TEX9: variants seen among roughly 807,000 people sequenced by gnomAD.
TEX9 encodes the protein testis expressed 9.
A neutral mutation model predicts 59.6 loss-of-function variants in TEX9; 74 were observed. That is an observed-to-expected ratio of 1.24 (90% CI 1.03 to 1.51). The LOEUF is 1.51. Ranked by LOEUF, TEX9 falls within the 40% of genes most tolerant of loss-of-function variation. The pLI, the probability that TEX9 is intolerant of heterozygous loss-of-function variation, is 0.00. For missense variants in TEX9, 522 were observed against 447.8 expected (o/e 1.17, Z -1.49); for synonymous variants, 186 against 152.2 (o/e 1.22, Z -1.64).
chr15:56,386,657 A>T (rs2047975540), intron 4 of TEX9, among the ~76,000 whole-genome samples: 1 of 151,946 alleles, frequency 6.6e-6, no homozygotes, highest in African/African-American at 2.4e-5. Context: ...TAATACTGTG[A>T]TATTCTATGA....
intron 9 of TEX9, chr15:56,395,540 G>T (rs2048426649): frequency 6.6e-6 from 1 of 152,092 alleles, no homozygotes; most frequent in Non-Finnish European, 1.5e-5. Flanking sequence ...ACCTTTTGAG[G>T]AATTGCTGAC....
chr15:56,336,080 C>A (rs1433184887), intron 1 of TEX9, among the ~76,000 whole-genome samples: 1 of 152,170 alleles, frequency 6.6e-6, no homozygotes, highest in Non-Finnish European at 1.5e-5. Context: ...TGTGCAGTTG[C>A]ATCGCTGAAA....
chr15:56,316,729 G>T (rs1291158604), intron 1 of TEX9, among the ~76,000 whole-genome samples: 1 of 152,190 alleles, frequency 6.6e-6, no homozygotes, highest in Non-Finnish European at 1.5e-5. Context: ...CTGGGCAATG[G>T]TGGGCGCCCC....
chr15:56,376,031 T>C (rs1340565941), intron 3 of TEX9, among the ~76,000 whole-genome samples: 1 of 138,044 alleles, frequency 7.2e-6, no homozygotes, highest in African/African-American at 2.7e-5. Context: ...TGAGAACACG[T>C]GGACACAGGA....
chr15:56,397,445 TGAG>T (rs2048534585), intron 9 of TEX9: 1 of 152,302 alleles, frequency 6.6e-6, no homozygotes, highest in Non-Finnish European at 1.5e-5. Context: ...TCCCATTTTC[TGAG>T]GAGAAATTCA....
At chr15:56,309,879 A>G (rs1225992920) in intron 1 of TEX9, among the ~76,000 whole-genome samples, 1 of 151,800 alleles carries the variant, frequency 6.6e-6, no homozygotes, top group Non-Finnish European at 1.5e-5. Context: ...CAGGGAAGTG[A>G]AAAATCCCAA....
exon 9 of TEX9, chr15:56,394,684 G>A (rs781732995): frequency 1.2e-6 from 2 of 1,601,900 alleles, no homozygotes; most frequent in Non-Finnish European, 8.5e-7. Flanking sequence ...AGAATTTAAA[G>A]TCTCAAGTAA....
At chr15:56,444,317 T>G in intron 12 of TEX9, 1 of 708,472 alleles carries the variant, frequency 1.4e-6, no homozygotes, top group South Asian at 2.0e-5. Context: ...TATGTTTTCA[T>G]AGCTAGTATT....
intron 1 of TEX9, among the ~76,000 whole-genome samples, chr15:56,302,361 A>G (rs12437496): frequency 0.015 from 2,297 of 149,696 alleles, 53 homozygotes; most frequent in Admixed American, 0.065. Context: ...ACACACACAC[A>G]CGAACATAAA....
chr15:56,278,799 C>A (rs1002985440), intron 1 of TEX9, among the ~76,000 whole-genome samples: 1 of 121,358 alleles, frequency 8.2e-6, no homozygotes, highest in African/African-American at 2.7e-5. Context: ...ACCAAGAGAT[C>A]CACGTTTTTT....
At chr15:56,283,847 G>A (rs2044877604) in intron 1 of TEX9, among the ~76,000 whole-genome samples, 1 of 152,086 alleles carries the variant, frequency 6.6e-6, no homozygotes. Context: ...ATATAAATTT[G>A]TTGAAACACT....
At chr15:56,459,963 C>A in the TEX9 span, among the ~76,000 whole-genome samples, 3 of 107,292 alleles carry the variant, frequency 2.8e-5, no homozygotes, top group African/African-American at 7.4e-5. Context: ...GCACTCCAGC[C>A]TGGGCAACAA....
Position 56,369,450 on chromosome 15 carries a change from C to T in TEX9, c.119+3780C>T, listed in dbSNP as rs929947151. On this transcript the variant is annotated intron_variant, in intron 2 of 12. Transcript: ENST00000352903. ...CCCACTGCAACCTTCATCTCCCAGG[C>T]TCCTGAGTAGCTGGGACTACAGGCA... 9.2e-5 allele frequency among the ~76,000 whole-genome samples: 14 copies of T among 151,800 alleles called. No homozygotes were observed. In the East Asian group the frequency reaches 9.7e-4, roughly 10 times the overall value.
chr15:56,444,311 T>G (rs1013444155), intron 12 of TEX9: 7 of 685,850 alleles, frequency 1.0e-5, no homozygotes, highest in Non-Finnish European at 1.7e-5. Context: ...CCAATTTATG[T>G]TTTCATAGCT....
intron 1 of TEX9, among the ~76,000 whole-genome samples, chr15:56,250,119 C>G (rs2043980253): frequency 6.6e-6 from 1 of 152,144 alleles, no homozygotes; most frequent in African/African-American, 2.4e-5. Context: ...TCACTTAAGT[C>G]TGTGGTAAAT....
chr15:56,383,826 GT>G, intron 3 of TEX9, 125 bp from the exon 4 acceptor site: 1 of 590,318 alleles, frequency 1.7e-6, no homozygotes, highest in Non-Finnish European at 2.9e-6. Flanking sequence ...TTAGAATTCC[GT>G]GCCTTTATGT....
At chr15:56,412,174 G>A (rs1198328610) in intron 9 of TEX9, 128 bp from the exon 10 acceptor site, 22 of 355,106 alleles carry the variant, frequency 6.2e-5, no homozygotes, top group South Asian at 2.5e-4. Context: ...ACCCCCAAGC[G>A]TGTGTGTGTG....
At chr15:56,292,191 T>G (rs544062530) in intron 1 of TEX9, among the ~76,000 whole-genome samples, 158 of 152,338 alleles carry the variant, frequency 1.0e-3, no homozygotes, top group Non-Finnish European at 1.7e-3. Context: ...CTTGGAGATT[T>G]AGGATCTGTG....
intron 3 of TEX9, among the ~76,000 whole-genome samples, chr15:56,381,984 G>T (rs2047750800): frequency 6.6e-6 from 1 of 152,234 alleles, no homozygotes; most frequent in African/African-American, 2.4e-5. Flanking sequence ...CAGAGATGCT[G>T]TCTGGTAGTC....
Sources: allele counts gnomAD v4.1 joint callset (sites outside exome capture counted in the v4.1 genomes callset), GRCh38; gene constraint gnomAD v4.1.1; transcripts MANE v1.5; gene names NCBI Gene and HGNC (gene_info 2026-07-23, HGNC 2026-07-21).